The following TLK2 variants were observed in gnomAD, a reference collection of about 807,000 sequenced individuals.
TLK2 encodes tousled like kinase 2.
TLK2 carries 6 observed loss-of-function variants against 117.3 expected under a neutral mutation model. That is an observed-to-expected ratio of 0.05 (90% CI 0.03 to 0.10). The LOEUF is 0.10. Ranked by LOEUF, TLK2 falls within the 10% of genes least tolerant of loss-of-function variation. TLK2 has a pLI of 1.00. For synonymous variants in TLK2, 257 were observed against 316.7 expected, an observed-to-expected ratio of 0.81 and a Z score of 2.00; for missense variants, 299 against 901.2, an observed-to-expected ratio of 0.33 and a Z score of 8.56.
At chr17:62,577,995 C>T (rs959602306) in intron 13 of TLK2, among the ~76,000 whole-genome samples, 3 of 152,126 alleles carry the variant, frequency 2.0e-5, no homozygotes, top group African/African-American at 7.2e-5. Context: ...TGCAGTGAAC[C>T]GAGATCGTGC....
chr17:62,585,001 T>G (rs2081505915), intron 15 of TLK2, among the ~76,000 whole-genome samples: 1 of 152,244 alleles, frequency 6.6e-6, no homozygotes, highest in South Asian at 2.1e-4. Context: ...CTAAAGAAGC[T>G]ATGCAATAAA....
intron 16 of TLK2, among the ~76,000 whole-genome samples, chr17:62,593,158 GTATCTAAGCA>G (rs1328854080): frequency 2.0e-4 from 30 of 152,226 alleles, no homozygotes; most frequent in African/African-American, 6.5e-4. Flanking sequence ...TACTAATTGT[GTATCTAAGCA>G]TATCTAAGCA....
At chr17:62,570,001 C>G (rs117970944) in intron 11 of TLK2, among the ~76,000 whole-genome samples, 2,631 of 152,202 alleles carry the variant, frequency 0.017, 52 homozygotes, top group Non-Finnish European at 0.028. Context: ...GTTGGGCTTG[C>G]GGCAGCATAA....
chr17:62,590,135 A>C (rs1033042927), intron 16 of TLK2, among the ~76,000 whole-genome samples: 5 of 149,030 alleles, frequency 3.4e-5, no homozygotes, highest in African/African-American at 9.8e-5. Context: ...AACAAAAAAA[A>C]CAAACAGCAG....
At position 62,612,526 on chromosome 17, in the gene TLK2, A is replaced by G. The variant is rs1169932540; in HGVS notation, c.2214A>G (p.Ala738=). The change falls in exon 22 of 22, where the codon GCA becomes GCG. Residue 738 remains alanine, a synonymous_variant. Coordinates refer to ENST00000346027, the MANE Select transcript of TLK2 (RefSeq NM_006852.6). The part of the protein sequence containing the change: ...STSSPAGAAI[A]STSGASNNSS... ...GTAGCCCTGCTGGAGCTGCTATTGC[A>G]TCAACCTCTGGGGCGTCCAATAACA... The G allele has an allele frequency of 3.1e-6, 5 of 1,614,194 alleles. No individual in the cohort carries two copies. The highest frequency in any genetic ancestry group is 2.2e-5 in the East Asian group (1 of 44,890).
At chr17:62,492,347 A>G (rs2073189209) in intron 2 of TLK2, among the ~76,000 whole-genome samples, 1 of 152,216 alleles carries the variant, frequency 6.6e-6, no homozygotes, top group Admixed American at 6.5e-5. Flanking sequence ...CGAAGACAGC[A>G]GTGAGGAAAA....
In TLK2 at chr17:62,536,034, A is replaced by T. The variant is rs930762931; in HGVS notation, c.364-136A>T. 17 of 1,002,862 alleles carry T rather than the reference A, an allele frequency of 1.7e-5. No individual in the cohort carries two copies. The Admixed American group carries it at 3.9e-4, about 23-fold the overall frequency. The allele number at this position is 1,002,862 out of a possible 1,614,324, so 62.1% of individuals were successfully genotyped here. The stretch of plus-strand genomic sequence containing the variant: ...CAATGATAATGTTGGTATGCTCTCC[A>T]TAATTATTTTTAGAGAGGCCTTTTT... On this transcript the variant is annotated intron_variant, in intron 6 of 21. Transcript: ENST00000346027.
chr17:62,548,065 T>C (rs2078083287), intron 7 of TLK2, among the ~76,000 whole-genome samples: 1 of 152,166 alleles, frequency 6.6e-6, no homozygotes, highest in African/African-American at 2.4e-5. Flanking sequence ...TTTACCCTTC[T>C]AGTGTATTGG....
At chr17:62,485,444 A>G (rs2072228077) in intron 2 of TLK2, among the ~76,000 whole-genome samples, 1 of 152,156 alleles carries the variant, frequency 6.6e-6, no homozygotes, top group Non-Finnish European at 1.5e-5. Flanking sequence ...TCTATTACTT[A>G]TATTTAAGTT....
intron 21 of TLK2, 150 bp from the exon 22 acceptor site, chr17:62,612,242 G>A: frequency 1.4e-6 from 1 of 716,838 alleles, no homozygotes; most frequent in Non-Finnish European, 2.2e-6. Context: ...TGTTCTTTGG[G>A]TCTGCCTGGT....
At chr17:62,547,550 C>T (rs906254786) in intron 7 of TLK2, among the ~76,000 whole-genome samples, 1 of 152,122 alleles carries the variant, frequency 6.6e-6, no homozygotes, top group Non-Finnish European at 1.5e-5. Context: ...TTTTCATTTT[C>T]ATGAGGATTT....
intron 2 of TLK2, among the ~76,000 whole-genome samples, chr17:62,510,175 A>G (rs1345168119): frequency 2.0e-5 from 3 of 152,162 alleles, no homozygotes; most frequent in Non-Finnish European, 2.9e-5. Flanking sequence ...TGGGAGGCTG[A>G]GGCAGGAGGA....
At chr17:62,521,251 C>T (rs536510060) in intron 3 of TLK2, among the ~76,000 whole-genome samples, 15 of 152,250 alleles carry the variant, frequency 9.9e-5, no homozygotes, top group East Asian at 9.6e-4. Flanking sequence ...TCTTTGCATA[C>T]GTACAGTTAT....
rs2081102792 is a variant in TLK2 at position 62,580,117 on chromosome 17, A to G, written c.1293A>G (p.Lys431=). Residue 431 remains lysine, a synonymous_variant, in exon 15 of 22, where the codon AAA becomes AAG. Coordinates refer to ENST00000346027, the MANE Select transcript of TLK2 (RefSeq NM_006852.6). ...RIHNEDNSQF[K]DHPTLNDRYL... ...ATGTTCCCTGTTTCCACAGATTTAA[A>G]GATCATCCAACGCTAAATGACAGAT... The G allele has an allele frequency of 1.2e-6, 2 of 1,612,402 alleles. No homozygotes were observed. Among genetic ancestry groups the G allele is most frequent in the African/African-American group, 2.7e-5 (2 of 74,884 alleles).
chr17:62,501,230 T>C (rs1456214913), intron 2 of TLK2, among the ~76,000 whole-genome samples: 4 of 151,704 alleles, frequency 2.6e-5, no homozygotes, highest in Non-Finnish European at 5.9e-5. Flanking sequence ...AGAGCAAGAC[T>C]CCGTCTCAAA....
chr17:62,500,838 A>G (rs989090315), intron 2 of TLK2, among the ~76,000 whole-genome samples: 19 of 152,248 alleles, frequency 1.2e-4, no homozygotes, highest in African/African-American at 4.3e-4. Context: ...GTGAAATAAC[A>G]TACTTCAAAA....
At chr17:62,563,261 G>A (rs964617106) in intron 10 of TLK2, among the ~76,000 whole-genome samples, 2 of 152,150 alleles carry the variant, frequency 1.3e-5, no homozygotes, top group African/African-American at 4.8e-5. Flanking sequence ...AACCTATTCA[G>A]ATGAGCAGTG....
chr17:62,573,426 T>A, intron 12 of TLK2, 59 bp downstream of exon 12: 4 of 1,584,772 alleles, frequency 2.5e-6, no homozygotes, highest in Non-Finnish European at 3.4e-6. Flanking sequence ...AATACAAATG[T>A]TGATTGTCAC....
At chr17:62,516,203 G>A (rs2075569571) in intron 2 of TLK2, 6 of 634,054 alleles carry the variant, frequency 9.5e-6, no homozygotes, top group Non-Finnish European at 1.7e-5. Context: ...GGGATTACAG[G>A]CATGAGTCAC....
Sources: gnomAD v4.1 joint callset for allele counts (sites outside exome capture counted in the v4.1 genomes callset) on GRCh38, gnomAD v4.1.1 for gene constraint, MANE v1.5 for transcripts, NCBI Gene and HGNC (gene_info 2026-07-23, HGNC 2026-07-21) for gene names.